GNG4: variants seen among roughly 807,000 people sequenced by gnomAD.
GNG4 encodes the protein G protein subunit gamma 4.
A neutral mutation model predicts 5.8 loss-of-function variants in GNG4; 4 were observed. That is an observed-to-expected ratio of 0.69 (90% CI 0.34 to 1.57). The LOEUF (loss-of-function observed/expected upper bound fraction) is 1.57. Among genes scored for constraint, GNG4 ranks in the 40% most tolerant of loss-of-function variants. The pLI, the probability that GNG4 is intolerant of heterozygous loss-of-function variation, is 0.06. For synonymous variants in GNG4, 29 were observed against 32.9 expected, an observed-to-expected ratio of 0.88 and a Z score of 0.41; for missense variants, 96 against 95.1, an observed-to-expected ratio of 1.01 and a Z score of -0.04.
chr1:235,557,477 GAC>G (rs59520362), intron 3 of GNG4, among the ~76,000 whole-genome samples: 3,021 of 152,078 alleles, frequency 0.02, 69 homozygotes, highest in African/African-American at 0.058. Flanking sequence ...GTACAGGATG[GAC>G]ACAGCCACTG....
chr1:235,633,096 T>C (rs1240960891), intron 1 of GNG4, among the ~76,000 whole-genome samples: 2 of 152,110 alleles, frequency 1.3e-5, no homozygotes, highest in Admixed American at 6.5e-5. Context: ...AAAAAAAATA[T>C]AGGACTCATT....
At chr1:235,555,626 C>T (rs370476777) in intron 3 of GNG4, among the ~76,000 whole-genome samples, 2 of 147,638 alleles carry the variant, frequency 1.4e-5, no homozygotes, top group East Asian at 2.0e-4. Context: ...CTGCAGTGAG[C>T]TGTGATCGCA....
chr1:235,607,288 A>T (rs1049554284), intron 1 of GNG4, among the ~76,000 whole-genome samples: 12 of 151,946 alleles, frequency 7.9e-5, no homozygotes, highest in Non-Finnish European at 1.5e-4. Context: ...TACTTTTCAG[A>T]TTTGTGGAGG....
At chr1:235,629,970 T>C (rs990857586) in intron 1 of GNG4, among the ~76,000 whole-genome samples, 9 of 152,208 alleles carry the variant, frequency 5.9e-5, no homozygotes, top group African/African-American at 1.9e-4. Context: ...ACTTCTGGGT[T>C]TTTACTGTCT....
chr1:235,576,339 G>C (rs1041020625), intron 3 of GNG4, among the ~76,000 whole-genome samples: 1 of 151,998 alleles, frequency 6.6e-6, no homozygotes, highest in African/African-American at 2.4e-5. Flanking sequence ...TGGGATTATA[G>C]GCGTGAGCCA....
At chr1:235,616,928 A>ATTTTTTTG (rs1688604123) in intron 1 of GNG4, among the ~76,000 whole-genome samples, 3 of 36,094 alleles carry the variant, frequency 8.3e-5, no homozygotes, top group African/African-American at 4.5e-4. Context: ...TTTTTTTTTC[A>ATTTTTTTG]GTAGAGATGG....
At position 235,642,983 on chromosome 1, in the gene GNG4, G is replaced by A. The variant is rs970902187; in HGVS notation, c.-123+6679C>T. On this transcript the variant is annotated intron_variant, in intron 1 of 3. Transcript: ENST00000391854. The surrounding 1 kb of genome is among the most constrained non-coding windows in gnomAD (Gnocchi z 4.3). ...GGAAACCCTGGGATCCCAGACACCA[G>A]CCTCTCCCTGGCCCTCTGTTTCCAA... is the stretch of plus-strand genomic sequence containing the variant. Among the ~76,000 whole-genome samples, 2 of 152,136 alleles carry A rather than the reference G, an allele frequency of 1.3e-5. No individual in the cohort carries two copies. Among genetic ancestry groups the A allele is most frequent in the Non-Finnish European group, 2.9e-5 (2 of 68,014 alleles).
intron 3 of GNG4, among the ~76,000 whole-genome samples, chr1:235,582,446 C>T (rs1326201774): frequency 1.3e-5 from 2 of 152,230 alleles, no homozygotes; most frequent in Non-Finnish European, 2.9e-5. Context: ...AGAAGTCTTC[C>T]CTGAGCCATA....
At chr1:235,579,680 C>G (rs1020445345) in intron 3 of GNG4, among the ~76,000 whole-genome samples, 5 of 151,796 alleles carry the variant, frequency 3.3e-5, no homozygotes, top group African/African-American at 1.2e-4. Flanking sequence ...TAGTAAAACC[C>G]TGTCTCTACT....
intron 1 of GNG4, among the ~76,000 whole-genome samples, chr1:235,616,684 C>T (rs1317792012): frequency 2.0e-5 from 3 of 152,056 alleles, no homozygotes; most frequent in Non-Finnish European, 4.4e-5. Flanking sequence ...GCCTTTTTCT[C>T]TGATTACCCT....
upstream of GNG4, chr1:235,650,100 C>T (rs1657635463): frequency 1.3e-5 from 2 of 150,822 alleles, no homozygotes; most frequent in African/African-American, 4.8e-5. Context: ...GCTCCCCGCC[C>T]CCGCCCCCGC....
At chr1:235,570,858 A>ATGTGTGTG (rs1198419579) in intron 3 of GNG4, among the ~76,000 whole-genome samples, 6 of 53,002 alleles carry the variant, frequency 1.1e-4, no homozygotes, top group African/African-American at 7.3e-4. Context: ...AATTATATAT[A>ATGTGTGTG]TATATGTGTG....
chr1:235,603,516 G>A (rs965111340), intron 1 of GNG4, among the ~76,000 whole-genome samples: 1 of 151,984 alleles, frequency 6.6e-6, no homozygotes, highest in Middle Eastern at 3.4e-3. Context: ...CTCTACGTTT[G>A]CAGTAGGAAC....
chr1:235,600,660 G>C (rs1241905206), intron 1 of GNG4, among the ~76,000 whole-genome samples: 1 of 149,542 alleles, frequency 6.7e-6, no homozygotes, highest in African/African-American at 2.5e-5. Context: ...CTGGCTCAAA[G>C]GATCCTCCCA....
At position 235,649,025 on chromosome 1, in the gene GNG4, C is replaced by T. The variant is rs1657588614; in HGVS notation, c.-123+637G>A. On this transcript the variant is annotated intron_variant, in intron 1 of 3. Coordinates refer to ENST00000391854, the MANE Select transcript of GNG4 (RefSeq NM_001098722.2). This position sits in a 1 kb window ranked among gnomAD's most constrained non-coding sequence, Gnocchi z 5.7. Reference sequence around the variant, plus strand: ...AAAAAATCAAGCCAAACAAAGCTCCCCGGTTGCTGCCGGGCGCGCGCGGCG... The same window carrying T: ...AAAAAATCAAGCCAAACAAAGCTCCTCGGTTGCTGCCGGGCGCGCGCGGCG... 6.6e-6 allele frequency among the ~76,000 whole-genome samples: 1 copy of T among 152,204 alleles called. No homozygotes were observed. The highest frequency in any genetic ancestry group is 1.5e-5 in the Non-Finnish European group (1 of 68,036).
intron 3 of GNG4, among the ~76,000 whole-genome samples, chr1:235,558,740 T>C (rs1686982964): frequency 6.6e-6 from 1 of 152,220 alleles, no homozygotes; most frequent in Admixed American, 6.5e-5. Flanking sequence ...CTTTACTGTG[T>C]ATCCTTTCTC....
chr1:235,575,511 C>T (rs563735495), intron 3 of GNG4, among the ~76,000 whole-genome samples: 29 of 152,168 alleles, frequency 1.9e-4, no homozygotes, highest in South Asian at 2.1e-4. Flanking sequence ...ATTGATCTGT[C>T]AATACTCAGC....
At position 235,552,236 on chromosome 1, in the gene GNG4, A is replaced by T; in HGVS notation, c.101T>A (p.Val34Asp). 6.2e-7 allele frequency: 1 copy of T among 1,613,854 alleles called. No individual in the cohort carries two copies. Among genetic ancestry groups the T allele is most frequent in the Non-Finnish European group, 8.5e-7 (1 of 1,179,850 alleles). Residue 34 changes from valine (V) to aspartate (D), a missense_variant and splice_region_variant, in exon 4 of 4, where the codon GTC becomes GAC. Physicochemically the swap from Val to Asp is radical, Grantham distance 152. Coordinates refer to ENST00000391854, the MANE Select transcript of GNG4 (RefSeq NM_001098722.2). ...CAGGAGGTCCGCAGCTGCCTGGGAG[A>T]CCTGTGAGGGCACAGAGCACAGGTG... ...KMEACMDRVK[V>D]SQAAADLLAY...
At chr1:235,565,394 C>T (rs1687169788) in intron 3 of GNG4, among the ~76,000 whole-genome samples, 1 of 152,162 alleles carries the variant, frequency 6.6e-6, no homozygotes, top group Non-Finnish European at 1.5e-5. Flanking sequence ...ATCCCAACTA[C>T]TCAGGAGGCT....
Sources: gnomAD v4.1 joint callset for allele counts (sites outside exome capture counted in the v4.1 genomes callset) on GRCh38, gnomAD v4.1.1 for gene constraint, Gnocchi (gnomAD v3.1) non-coding constraint, MANE v1.5 for transcripts, NCBI Gene and HGNC (gene_info 2026-07-23, HGNC 2026-07-21) for gene names.